RBFOX1: variants seen among roughly 807,000 people sequenced by gnomAD.
RBFOX1 encodes RNA binding fox-1 homolog 1.
A neutral mutation model predicts 57.7 loss-of-function variants in RBFOX1; 8 were observed. The observed-to-expected ratio is 0.14, with a 90% CI of 0.08 to 0.25. RBFOX1 has a LOEUF of 0.25. Among genes scored for constraint, RBFOX1 ranks in the 10% least tolerant of loss-of-function variants. The pLI, the probability that RBFOX1 is intolerant of heterozygous loss-of-function variation, is 1.00. For missense variants in RBFOX1, 611 were observed against 548.5 expected (o/e 1.11, Z -1.14); for synonymous variants, 326 against 222.4 (o/e 1.47, Z -4.15).
chr16:5,810,252 C>G (rs955095606), intron 3 of RBFOX1, among the ~76,000 whole-genome samples: 2 of 151,872 alleles, frequency 1.3e-5, no homozygotes, highest in Non-Finnish European at 2.9e-5. Context: ...GTGCAGCACA[C>G]CAGAATGGCA....
At chr16:7,632,432 T>G (rs1057020797) in intron 11 of RBFOX1, among the ~76,000 whole-genome samples, 1 of 152,218 alleles carries the variant, frequency 6.6e-6, no homozygotes, top group Non-Finnish European at 1.5e-5. Flanking sequence ...GCCTTGTGTA[T>G]TCCTCTCAAA....
At chr16:7,025,271 T>G (rs2040548482) in intron 3 of RBFOX1, among the ~76,000 whole-genome samples, 1 of 152,130 alleles carries the variant, frequency 6.6e-6, no homozygotes, top group Non-Finnish European at 1.5e-5. Flanking sequence ...CCATGGTGTT[T>G]GGAAACTATC....
chr16:6,673,680 C>A (rs561173422), intron 3 of RBFOX1, among the ~76,000 whole-genome samples: 2 of 152,248 alleles, frequency 1.3e-5, no homozygotes, highest in South Asian at 4.1e-4. Context: ...GGACCAGCTT[C>A]ATGATGGGTT....
intron 1 of RBFOX1, among the ~76,000 whole-genome samples, chr16:5,252,829 CCCA>C (rs1187760547): frequency 1.3e-5 from 2 of 152,210 alleles, no homozygotes; most frequent in African/African-American, 4.8e-5. Context: ...AGCCCTCATC[CCCA>C]CCACCTCCCC....
At chr16:6,180,104 C>G (rs1028259408) in intron 1 of RBFOX1, among the ~76,000 whole-genome samples, 1 of 151,678 alleles carries the variant, frequency 6.6e-6, no homozygotes, top group Non-Finnish European at 1.5e-5. Flanking sequence ...GTATTCTTTC[C>G]TTTTGATTTT....
chr16:6,528,144 C>T (rs1012447554), intron 2 of RBFOX1, among the ~76,000 whole-genome samples: 1 of 152,232 alleles, frequency 6.6e-6, no homozygotes, highest in Non-Finnish European at 1.5e-5. Flanking sequence ...TTACCTAAAC[C>T]TTGATTCTGT....
chr16:6,175,125 A>G (rs780634655), intron 1 of RBFOX1, among the ~76,000 whole-genome samples: 5 of 152,220 alleles, frequency 3.3e-5, no homozygotes, highest in Non-Finnish European at 5.9e-5. Context: ...ATACATAGTA[A>G]ATGCTTGTTA....
intron 3 of RBFOX1, among the ~76,000 whole-genome samples, chr16:6,787,040 A>T (rs566218615): frequency 6.6e-6 from 1 of 152,158 alleles, no homozygotes; most frequent in South Asian, 2.1e-4. Flanking sequence ...TCAGAAATAC[A>T]TTAGTTGATT....
intron 5 of RBFOX1, among the ~76,000 whole-genome samples, chr16:7,528,731 C>T (rs1413377956): frequency 1.3e-5 from 2 of 152,150 alleles, no homozygotes; most frequent in Non-Finnish European, 2.9e-5. Flanking sequence ...AGTCAACAGT[C>T]ATTTTATGCC....
chr16:7,451,421 G>C (rs373422970), intron 4 of RBFOX1, among the ~76,000 whole-genome samples: 2 of 152,238 alleles, frequency 1.3e-5, no homozygotes, highest in African/African-American at 4.8e-5. Context: ...TGAGGCAATA[G>C]GTAAGTTAAC....
At chr16:6,024,719 G>C (rs2095152907) in intron 1 of RBFOX1, among the ~76,000 whole-genome samples, 1 of 152,138 alleles carries the variant, frequency 6.6e-6, no homozygotes, top group East Asian at 1.9e-4. Flanking sequence ...GACCTCAAGT[G>C]ATCCACCCGC....
rs993233926 is a variant in RBFOX1 at position 7,649,033 on chromosome 16, A to G, written c.758-4782A>G. Among the ~76,000 whole-genome samples, 3 of 152,186 alleles carry G rather than the reference A, an allele frequency of 2.0e-5. No homozygotes were observed. In the South Asian group the frequency reaches 6.2e-4, roughly 32 times the overall value. On this transcript the variant is annotated intron_variant, in intron 11 of 15. Coordinates refer to ENST00000550418, the MANE Select transcript of RBFOX1 (RefSeq NM_018723.4). ...GAAAAGGGTTCCTATCCAGACCCTA[A>G]GAGAGGATTCTTGGATCTTGTGCAA...
rs569725389 is a variant in RBFOX1 at position 5,556,079 on chromosome 16, C to A, written c.259-42823C>A. 2.6e-5 allele frequency among the ~76,000 whole-genome samples: 4 copies of A among 152,216 alleles called. No individual in the cohort carries two copies. In the South Asian group the frequency reaches 8.3e-4, roughly 32 times the overall value. On this transcript the variant is annotated intron_variant, in intron 2 of 2. Coordinates refer to the RBFOX1 transcript ENST00000585867. ...CAACGACACCAAAAAACACCCTTTCCCTGTATTCTACTGCTATGATTTATG... is the reference window on the plus strand; with the variant it reads ...CAACGACACCAAAAAACACCCTTTCACTGTATTCTACTGCTATGATTTATG...
intron 2 of RBFOX1, among the ~76,000 whole-genome samples, chr16:6,621,647 A>T (rs1039043959): frequency 2.2e-4 from 34 of 152,204 alleles, no homozygotes; most frequent in African/African-American, 8.2e-4. Flanking sequence ...ATTGTAATTG[A>T]CTACACATAT....
chr16:7,497,868 C>T (rs1269028047), intron 4 of RBFOX1, among the ~76,000 whole-genome samples: 2 of 152,190 alleles, frequency 1.3e-5, no homozygotes, highest in Admixed American at 6.5e-5. Flanking sequence ...TCACACACAG[C>T]GAATGTCTGA....
chr16:7,314,023 T>C (rs1319498544), intron 4 of RBFOX1, among the ~76,000 whole-genome samples: 1 of 136,996 alleles, frequency 7.3e-6, no homozygotes, highest in Non-Finnish European at 1.6e-5. Context: ...CTGTCAACTT[T>C]GATGCTCTTC....
intron 3 of RBFOX1, among the ~76,000 whole-genome samples, chr16:6,767,980 G>GAAGAAGAA (rs2077646200): frequency 6.7e-6 from 1 of 148,804 alleles, no homozygotes; most frequent in Admixed American, 6.7e-5. Context: ...AGAAGAAGAA[G>GAAGAAGAA]AAGAAGAAAT....
At chr16:6,485,023 G>T (rs903417736) in intron 2 of RBFOX1, among the ~76,000 whole-genome samples, 1 of 152,170 alleles carries the variant, frequency 6.6e-6, no homozygotes, top group Non-Finnish European at 1.5e-5. Flanking sequence ...AATGTGTGCT[G>T]GAAAATCCAA....
chr16:6,111,581 T>C (rs1268127172), intron 1 of RBFOX1, among the ~76,000 whole-genome samples: 2 of 152,220 alleles, frequency 1.3e-5, no homozygotes, highest in Non-Finnish European at 2.9e-5. Flanking sequence ...CCCAGGACTA[T>C]GGCTTTTGAC....
Sources: allele counts gnomAD v4.1 joint callset (sites outside exome capture counted in the v4.1 genomes callset), GRCh38; gene constraint gnomAD v4.1.1; transcripts MANE v1.5; gene names NCBI Gene and HGNC (gene_info 2026-07-23, HGNC 2026-07-21).